The following DCAF1 variants were observed in gnomAD, a reference collection of about 807,000 sequenced individuals.
The protein encoded by DCAF1 is DDB1- and CUL4-associated factor 1.
Under a neutral mutation model 128.0 loss-of-function variants are expected in DCAF1, and 15 were observed. The ratio of observed to expected loss-of-function variants is 0.12; its 90% CI spans 0.08 to 0.18. The LOEUF (loss-of-function observed/expected upper bound fraction) is 0.18, where lower values mean the gene tolerates loss of function less well. DCAF1 is among the 10% of genes least tolerant of loss of function. The probability of loss-of-function intolerance (pLI) is 1.00; values close to 1 mark genes in which losing one functional copy is unlikely to be tolerated. For synonymous variants in DCAF1, 610 were observed against 603.0 expected, an observed-to-expected ratio of 1.01 and a Z score of -0.17; for missense variants, 988 against 1,649.5, an observed-to-expected ratio of 0.60 and a Z score of 6.95.
intron 5 of DCAF1, among the ~76,000 whole-genome samples, chr3:51,465,759 G>C (rs1439779807): frequency 6.6e-6 from 1 of 152,022 alleles, no homozygotes; most frequent in Non-Finnish European, 1.5e-5. Context: ...AAATAAATAA[G>C]CAAATAAATA....
At chr3:51,480,243 C>G (rs1192881367) in intron 3 of DCAF1, among the ~76,000 whole-genome samples, 2 of 151,710 alleles carry the variant, frequency 1.3e-5, no homozygotes, top group East Asian at 3.9e-4. Flanking sequence ...GCAGACATGC[C>G]AAGGAAAGGC....
Position 51,420,237 on chromosome 3 carries a change from A to T in DCAF1, c.2733T>A (p.Thr911=), listed in dbSNP as rs782189825. The change falls in exon 15 of 25, where the codon ACT becomes ACA. Residue 911 remains threonine, a synonymous_variant. Coordinates refer to ENST00000684031, the MANE Select transcript of DCAF1 (RefSeq NM_001387579.1). This position sits in a 1 kb window ranked among gnomAD's most constrained non-coding sequence, Gnocchi z 6.5. ...RTPRIANGIA[T]RLGSHAAVGA... ...CCACAGCAGCATGGCTGCCCAGACG[A>T]GTTGCAATGCCATTAGCGATACGAG... The T allele has an allele frequency of 1.2e-6, 2 of 1,614,042 alleles. No homozygotes were observed. Among genetic ancestry groups the T allele is most frequent in the Non-Finnish European group, 1.7e-6 (2 of 1,179,892 alleles).
chr3:51,402,566 A>ATTTTTTTTTTTT (rs540396047), intron 24 of DCAF1, among the ~76,000 whole-genome samples: 5 of 84,984 alleles, frequency 5.9e-5, no homozygotes, highest in Non-Finnish European at 8.0e-5. Flanking sequence ...CCTACAAAGC[A>ATTTTTTTTTTTT]TTTTTTTTTT....
chr3:51,479,413 G>C (rs533539280), intron 3 of DCAF1, among the ~76,000 whole-genome samples: 1 of 152,164 alleles, frequency 6.6e-6, no homozygotes, highest in African/African-American at 2.4e-5. Flanking sequence ...TGAGGTGGGA[G>C]AATCAACTAA....
At chr3:51,405,493 T>A (rs1180141071) in intron 23 of DCAF1, among the ~76,000 whole-genome samples, 1 of 152,210 alleles carries the variant, frequency 6.6e-6, no homozygotes, top group Non-Finnish European at 1.5e-5. Context: ...CAAACACATA[T>A]GTGACCATGA....
rs782587110 is a variant in DCAF1 at position 51,412,415 on chromosome 3, C to T, written c.4176G>A (p.Gln1392=). ...TVCRLYEVGR[Q]RLAEDEDEEE... ...CTTCATCCTCATCCTCTGCCAGACG[C>T]TGCCTGCCCACTTCATACAGCCTGC... Residue 1392 remains glutamine, a synonymous_variant, in exon 23 of 25, where the codon CAG becomes CAA. Transcript: ENST00000684031. 6.2e-7 allele frequency: 1 copy of T among 1,613,964 alleles called. No homozygotes were observed. The highest frequency in any genetic ancestry group is 1.1e-5 in the South Asian group (1 of 91,078).
intron 22 of DCAF1, 101 bp downstream of exon 22, chr3:51,412,892 T>C (rs1161673773): frequency 8.6e-6 from 13 of 1,519,650 alleles, no homozygotes; most frequent in Admixed American, 4.1e-5. Context: ...CAGGAATGTA[T>C]TGACTTTACA....
chr3:51,473,053 G>A (rs75348180), intron 3 of DCAF1, among the ~76,000 whole-genome samples: 10,972 of 147,254 alleles, frequency 0.075, 945 homozygotes, highest in East Asian at 0.34. Flanking sequence ...AAGGTGGGCC[G>A]ATCACCTGAG....
At chr3:51,480,012 T>C (rs1450477585) in intron 3 of DCAF1, among the ~76,000 whole-genome samples, 1 of 148,946 alleles carries the variant, frequency 6.7e-6, no homozygotes, top group Non-Finnish European at 1.5e-5. Context: ...AAACCCTGTC[T>C]CCACCAAAAA....
intron 23 of DCAF1, among the ~76,000 whole-genome samples, chr3:51,404,124 G>T (rs1553625892): frequency 6.6e-6 from 1 of 152,216 alleles, no homozygotes; most frequent in East Asian, 1.9e-4. Context: ...TCTGGCATCT[G>T]CCACAGATTT....
chr3:51,477,323 A>C (rs550943316), intron 3 of DCAF1, among the ~76,000 whole-genome samples: 6 of 152,096 alleles, frequency 3.9e-5, no homozygotes, highest in Admixed American at 1.3e-4. Context: ...TGAAGAAAAA[A>C]AAAAAACAAA....
chr3:51,401,049 A>G (rs894632805), intron 24 of DCAF1, among the ~76,000 whole-genome samples: 5 of 149,834 alleles, frequency 3.3e-5, no homozygotes, highest in Admixed American at 6.7e-5. Context: ...AGAGAATGGC[A>G]TGAACCCGGG....
chr3:51,491,844 CA>C lies in DCAF1; in HGVS notation c.-9+4889del, dbSNP rs1390911353. On this transcript the variant is annotated intron_variant, in intron 2 of 24. Coordinates refer to ENST00000684031, the MANE Select transcript of DCAF1 (RefSeq NM_001387579.1). Reference sequence around the variant, plus strand: ...TGGGCGACAGAGCAAGACTCCATCTCAAAAAACAAACAAACAAAAAAGTACT... The same window carrying C: ...TGGGCGACAGAGCAAGACTCCATCTCAAAAACAAACAAACAAAAAAGTACT... Among the ~76,000 whole-genome samples, 18 of 151,374 alleles carry C rather than the reference CA, an allele frequency of 1.2e-4. No homozygotes were observed. The East Asian group carries it at 3.3e-3, about 28-fold the overall frequency.
At chr3:51,474,863 C>CA (rs1553649839) in intron 3 of DCAF1, among the ~76,000 whole-genome samples, 1 of 150,318 alleles carries the variant, frequency 6.7e-6, no homozygotes, top group African/African-American at 2.5e-5. Context: ...CAGCTCACTG[C>CA]AACCTCCGCC....
intron 9 of DCAF1, among the ~76,000 whole-genome samples, chr3:51,435,334 T>G (rs1471755881): frequency 6.6e-6 from 1 of 152,140 alleles, no homozygotes; most frequent in Non-Finnish European, 1.5e-5. Context: ...TCCAGCTTCA[T>G]CCCACTGTGC....
intron 6 of DCAF1, among the ~76,000 whole-genome samples, chr3:51,450,144 G>A (rs1427066191): frequency 6.6e-6 from 1 of 152,116 alleles, no homozygotes; most frequent in Non-Finnish European, 1.5e-5. Flanking sequence ...CTAGGAGTTC[G>A]AGACAAACTT....
chr3:51,448,296 G>C (rs1553640756), intron 6 of DCAF1, among the ~76,000 whole-genome samples: 1 of 152,012 alleles, frequency 6.6e-6, no homozygotes, highest in Non-Finnish European at 1.5e-5. Context: ...AACTTCTTTT[G>C]TACTTTTCAT....
chr3:51,486,231 C>T (rs954930966), intron 2 of DCAF1, among the ~76,000 whole-genome samples: 1 of 149,426 alleles, frequency 6.7e-6, no homozygotes, highest in African/African-American at 2.5e-5. Flanking sequence ...CTCACTCTGC[C>T]TCCCAGGCTT....
chr3:51,452,964 C>T (rs1294450384), intron 6 of DCAF1, among the ~76,000 whole-genome samples: 3 of 148,070 alleles, frequency 2.0e-5, no homozygotes, highest in African/African-American at 7.5e-5. Flanking sequence ...TGCAGTGAGC[C>T]GAGATCACAC....
Sources: allele counts gnomAD v4.1 joint callset (sites outside exome capture counted in the v4.1 genomes callset), GRCh38; gene constraint gnomAD v4.1.1; non-coding constraint Gnocchi (gnomAD v3.1); transcripts MANE v1.5; gene names NCBI Gene and HGNC (gene_info 2026-07-23, HGNC 2026-07-21).